KCNIP4: variants seen among roughly 807,000 people sequenced by gnomAD.
KCNIP4 encodes the protein potassium voltage-gated channel interacting protein 4.
Under a neutral mutation model 34.0 loss-of-function variants are expected in KCNIP4, and 12 were observed. The observed-to-expected ratio is 0.35, with a 90% CI of 0.23 to 0.57. The LOEUF is 0.57. Ranked by LOEUF, KCNIP4 falls within the 20% of genes least tolerant of loss-of-function variation. The probability of loss-of-function intolerance (pLI) is 0.83; values close to 1 mark genes in which losing one functional copy is unlikely to be tolerated. For synonymous variants in KCNIP4, 124 were observed against 102.2 expected (o/e 1.21, Z -1.29); for missense variants, 238 against 311.7 (o/e 0.76, Z 1.78).
chr4:20,807,908 C>T (rs1001624092), intron 3 of KCNIP4, among the ~76,000 whole-genome samples: 4 of 152,122 alleles, frequency 2.6e-5, no homozygotes, highest in African/African-American at 9.7e-5. Context: ...ACCTACAGTA[C>T]ATCTAACAAG....
At chr4:21,167,538 C>T (rs939174734) in intron 1 of KCNIP4, among the ~76,000 whole-genome samples, 73 of 152,256 alleles carry the variant, frequency 4.8e-4, no homozygotes, top group African/African-American at 1.6e-3. Flanking sequence ...GCATGGCTAA[C>T]ATTTAACTTA....
At chr4:21,232,374 G>A (rs1224274735) in intron 1 of KCNIP4, among the ~76,000 whole-genome samples, 2 of 151,922 alleles carry the variant, frequency 1.3e-5, no homozygotes, top group Non-Finnish European at 2.9e-5. Flanking sequence ...ATATTGCCAT[G>A]GACTTTATCA....
chr4:21,087,164 G>A (rs1342249403), intron 1 of KCNIP4, among the ~76,000 whole-genome samples: 2 of 146,314 alleles, frequency 1.4e-5, no homozygotes, highest in African/African-American at 5.2e-5. Flanking sequence ...GTGTGTGTGT[G>A]TGTGTGTGTG....
At chr4:21,601,625 T>C (rs1743169039) in intron 1 of KCNIP4, among the ~76,000 whole-genome samples, 1 of 152,066 alleles carries the variant, frequency 6.6e-6, no homozygotes, top group Admixed American at 6.6e-5. Context: ...TGGATGGATG[T>C]TCATATTCCA....
chr4:21,182,364 G>C (rs1754901904), intron 1 of KCNIP4, among the ~76,000 whole-genome samples: 1 of 152,062 alleles, frequency 6.6e-6, no homozygotes, highest in Admixed American at 6.6e-5. Context: ...CATCCTTGCA[G>C]TCCAGACCAT....
rs1738212797 is a variant in KCNIP4, at chr4:21,547,133, G to A, written c.61+401438C>T. Among the ~76,000 whole-genome samples the A allele has an allele frequency of 2.0e-5, 3 of 152,018 alleles. No individual in the cohort carries two copies. In the South Asian group the frequency reaches 6.2e-4, roughly 32 times the overall value. On this transcript the variant is annotated intron_variant, in intron 1 of 8. Coordinates refer to ENST00000382152, the MANE Select transcript of KCNIP4 (RefSeq NM_025221.6). Reference sequence around the variant, plus strand: ...GGACAAATGAATGTGGAGTAGAAATGCCAAAATCTGCTGTTCAACTGAGTC... The same window carrying A: ...GGACAAATGAATGTGGAGTAGAAATACCAAAATCTGCTGTTCAACTGAGTC...
chr4:20,956,145 G>C (rs1733279450), intron 1 of KCNIP4, among the ~76,000 whole-genome samples: 1 of 152,088 alleles, frequency 6.6e-6, no homozygotes, highest in East Asian at 1.9e-4. Context: ...CATTATATGG[G>C]CATTCAATAA....
chr4:21,735,535 C>CT (rs1220475404), intron 1 of KCNIP4, among the ~76,000 whole-genome samples: 1 of 152,134 alleles, frequency 6.6e-6, no homozygotes, highest in African/African-American at 2.4e-5. Context: ...AATGACACCA[C>CT]ATTGGCAGCC....
At chr4:21,889,105 A>G (rs1446932362) in intron 1 of KCNIP4, among the ~76,000 whole-genome samples, 1 of 152,168 alleles carries the variant, frequency 6.6e-6, no homozygotes, top group East Asian at 1.9e-4. Flanking sequence ...GCTTATAGGT[A>G]CAATATAAAT....
intron 1 of KCNIP4, among the ~76,000 whole-genome samples, chr4:21,879,706 T>C (rs1339259434): frequency 6.6e-6 from 1 of 152,202 alleles, no homozygotes; most frequent in Non-Finnish European, 1.5e-5. Context: ...ATAATTCATA[T>C]ATTATTTTTA....
At chr4:21,753,908 T>C (rs1418141877) in intron 1 of KCNIP4, among the ~76,000 whole-genome samples, 1 of 152,080 alleles carries the variant, frequency 6.6e-6, no homozygotes, top group Non-Finnish European at 1.5e-5. Flanking sequence ...CTTCTCTCCA[T>C]CTACTGACCC....
At chr4:21,820,281 GTGTGTATA>G (rs1314682618) in intron 1 of KCNIP4, among the ~76,000 whole-genome samples, 3 of 17,922 alleles carry the variant, frequency 1.7e-4, no homozygotes, top group East Asian at 1.5e-3. Context: ...GTATGTGTGT[GTGTGTATA>G]TATATATATA....
At chr4:21,081,872 C>T (rs1046863416) in intron 1 of KCNIP4, among the ~76,000 whole-genome samples, 40 of 151,706 alleles carry the variant, frequency 2.6e-4, no homozygotes, top group Middle Eastern at 3.4e-3. Flanking sequence ...AAGATGTAGA[C>T]GACAATCTTT....
At chr4:21,749,487 C>G (rs1328040816) in intron 1 of KCNIP4, among the ~76,000 whole-genome samples, 1 of 152,140 alleles carries the variant, frequency 6.6e-6, no homozygotes, top group African/African-American at 2.4e-5. Context: ...TTTGCCCTCT[C>G]CCCACTTGAC....
At chr4:21,683,107 G>T (rs1750511340) in intron 1 of KCNIP4, among the ~76,000 whole-genome samples, 1 of 152,166 alleles carries the variant, frequency 6.6e-6, no homozygotes, top group African/African-American at 2.4e-5. Flanking sequence ...AGGCATGCCT[G>T]TATGTTTTAT....
At chr4:21,142,150 C>CA (rs369182504) in intron 1 of KCNIP4, among the ~76,000 whole-genome samples, 14,480 of 105,548 alleles carry the variant, frequency 0.14, 1,068 homozygotes, top group Non-Finnish European at 0.17. Flanking sequence ...GACACCGTCT[C>CA]AAAAAAAAAA....
At position 20,925,849 on chromosome 4, in the gene KCNIP4, G is replaced by A. The variant is rs768092161; in HGVS notation, c.62-43140C>T. On this transcript the variant is annotated intron_variant, in intron 1 of 8. Transcript: ENST00000382152. ...GGCGAAGTTCAGAGGAAACAGTTAA[G>A]CACAGACTTCCAATAACTCTTTCCG... 3.9e-5 allele frequency among the ~76,000 whole-genome samples: 6 copies of A among 152,202 alleles called. No homozygotes were observed. The South Asian group carries it at 6.2e-4, about 16-fold the overall frequency.
intron 1 of KCNIP4, among the ~76,000 whole-genome samples, chr4:21,545,212 G>A (rs1738038489): frequency 6.6e-6 from 1 of 151,964 alleles, no homozygotes; most frequent in Non-Finnish European, 1.5e-5. Flanking sequence ...ACCCTACATG[G>A]TCTAAAAAGG....
intron 3 of KCNIP4, among the ~76,000 whole-genome samples, chr4:20,803,233 A>G (rs1348539539): frequency 6.6e-6 from 1 of 151,890 alleles, no homozygotes; most frequent in African/African-American, 2.4e-5. Context: ...AGATAGTCTA[A>G]CATTATACCT....
Sources: allele counts gnomAD v4.1 joint callset (sites outside exome capture counted in the v4.1 genomes callset), GRCh38; gene constraint gnomAD v4.1.1; transcripts MANE v1.5; gene names NCBI Gene and HGNC (gene_info 2026-07-23, HGNC 2026-07-21).